Variants in CALN1 observed in about 807,000 individuals in gnomAD.
CALN1 encodes the protein calcium-binding protein 8.
Under a neutral mutation model 30.6 loss-of-function variants are expected in CALN1, and 17 were observed. The ratio of observed to expected loss-of-function variants is 0.56; its 90% CI spans 0.38 to 0.83. CALN1 has a LOEUF of 0.83. Among genes scored for constraint, CALN1 ranks in the 40% least tolerant of loss-of-function variants. The probability of loss-of-function intolerance (pLI) is 0.00; values close to 1 mark genes in which losing one functional copy is unlikely to be tolerated. For synonymous variants in CALN1, 156 were observed against 131.4 expected (o/e 1.19, Z -1.28); for missense variants, 291 against 354.9 (o/e 0.82, Z 1.45).
intron 1 of CALN1, among the ~76,000 whole-genome samples, chr7:72,442,696 T>A (rs1194060748): frequency 6.6e-6 from 1 of 152,222 alleles, no homozygotes; most frequent in Non-Finnish European, 1.5e-5. Flanking sequence ...TTATGTAGGG[T>A]TGCACTTATT....
intron 3 of CALN1, among the ~76,000 whole-genome samples, chr7:72,191,351 CCA>C (rs2129546819): frequency 6.6e-6 from 1 of 152,098 alleles, no homozygotes; most frequent in African/African-American, 2.4e-5. Flanking sequence ...ACTGTAATTT[CCA>C]CACTTTGGGA....
At chr7:71,881,785 G>C (rs1792583023) in intron 5 of CALN1, among the ~76,000 whole-genome samples, 1 of 152,204 alleles carries the variant, frequency 6.6e-6, no homozygotes, top group Non-Finnish European at 1.5e-5. Flanking sequence ...TAGCTTTGGA[G>C]GCCATAGCTG....
intron 3 of CALN1, among the ~76,000 whole-genome samples, chr7:72,144,067 C>A (rs917114953): frequency 6.6e-6 from 1 of 152,190 alleles, no homozygotes; most frequent in Non-Finnish European, 1.5e-5. Context: ...ACTGCATCAA[C>A]TAACGAGCAA....
At chr7:72,182,819 A>G (rs1320871622) in intron 3 of CALN1, among the ~76,000 whole-genome samples, 1 of 152,068 alleles carries the variant, frequency 6.6e-6, no homozygotes, top group East Asian at 1.9e-4. Flanking sequence ...TAGGAACACT[A>G]GCTTCTGTAA....
intron 2 of CALN1, among the ~76,000 whole-genome samples, chr7:72,370,925 G>A (rs988005319): frequency 5.9e-5 from 9 of 151,858 alleles, no homozygotes; most frequent in Admixed American, 5.9e-4. Flanking sequence ...GCATGTGCCT[G>A]TAATTCCAGC....
chr7:72,190,270 C>G (rs1790509888), intron 3 of CALN1, among the ~76,000 whole-genome samples: 1 of 152,164 alleles, frequency 6.6e-6, no homozygotes, highest in African/African-American at 2.4e-5. Flanking sequence ...CGCCTGAACC[C>G]AGGAGGGAGA....
intron 4 of CALN1, among the ~76,000 whole-genome samples, chr7:72,032,623 C>T (rs1489045543): frequency 6.6e-6 from 1 of 152,196 alleles, no homozygotes; most frequent in East Asian, 1.9e-4. Flanking sequence ...GTTTTCCTAT[C>T]TGGGTGTTTA....
intron 3 of CALN1, among the ~76,000 whole-genome samples, chr7:72,204,194 A>G (rs1791661449): frequency 6.7e-6 from 1 of 148,884 alleles, no homozygotes; most frequent in Admixed American, 6.7e-5. Flanking sequence ...ACGGGGTTTC[A>G]CCGTGTTAGC....
chr7:72,041,038 A>G (rs1802092441), intron 4 of CALN1, among the ~76,000 whole-genome samples: 1 of 152,198 alleles, frequency 6.6e-6, no homozygotes, highest in African/African-American at 2.4e-5. Flanking sequence ...ATGTACTTCT[A>G]GGAGGAAAAC....
chr7:72,323,867 A>C (rs931932612), intron 2 of CALN1, among the ~76,000 whole-genome samples: 1 of 151,762 alleles, frequency 6.6e-6, no homozygotes, highest in Non-Finnish European at 1.5e-5. Context: ...AACATAGCGA[A>C]ACCCCATCTG....
chr7:72,346,474 CATAT>C (rs748864146), intron 2 of CALN1, among the ~76,000 whole-genome samples: 18 of 152,116 alleles, frequency 1.2e-4, no homozygotes, highest in Non-Finnish European at 1.9e-4. Context: ...CTGATTCTCC[CATAT>C]ATAATTTTTA....
At chr7:72,375,568 G>GT in intron 2 of CALN1, among the ~76,000 whole-genome samples, 1 of 136,488 alleles carries the variant, frequency 7.3e-6, no homozygotes, top group Non-Finnish European at 1.5e-5. Flanking sequence ...CTGCCTCCAG[G>GT]AAAAAAAAAA....
intron 5 of CALN1, among the ~76,000 whole-genome samples, chr7:72,016,921 G>T (rs1205065955): frequency 7.5e-6 from 1 of 133,960 alleles, no homozygotes; most frequent in Non-Finnish European, 1.7e-5. Flanking sequence ...GGGAGGCCAA[G>T]GTGAGTGGAT....
At chr7:71,831,678 G>A (rs1789283888) in intron 5 of CALN1, among the ~76,000 whole-genome samples, 1 of 151,074 alleles carries the variant, frequency 6.6e-6, no homozygotes, top group African/African-American at 2.4e-5. Flanking sequence ...TTGAGCTCAG[G>A]AGTTCGAGAC....
chr7:72,137,139 A>G (rs1470992675), intron 3 of CALN1, among the ~76,000 whole-genome samples: 1 of 152,150 alleles, frequency 6.6e-6, no homozygotes, highest in Admixed American at 6.5e-5. Flanking sequence ...GAATGTTTCT[A>G]TGTGAAGGAA....
chr7:72,181,750 C>T (rs1164444038), intron 3 of CALN1, among the ~76,000 whole-genome samples: 2 of 152,066 alleles, frequency 1.3e-5, no homozygotes, highest in African/African-American at 4.8e-5. Flanking sequence ...GCTGGGATTA[C>T]GGGCATGAGC....
At chr7:72,388,989 C>A (rs1805408973) in intron 2 of CALN1, among the ~76,000 whole-genome samples, 1 of 152,178 alleles carries the variant, frequency 6.6e-6, no homozygotes, top group Non-Finnish European at 1.5e-5. Context: ...CCTGGACCAG[C>A]AGGCCACGTC....
chr7:72,213,753 G>T (rs1324293128), intron 3 of CALN1, among the ~76,000 whole-genome samples: 2 of 152,128 alleles, frequency 1.3e-5, no homozygotes, highest in Non-Finnish European at 2.9e-5. Flanking sequence ...ACTCAGCAAT[G>T]CACTCCACTC....
rs112206417 is a variant in CALN1 at position 72,193,142 on chromosome 7, T to G, written c.244+85544A>C. On this transcript the variant is annotated intron_variant, in intron 3 of 6. Transcript: ENST00000395275. ...AGCAGAGGTTGCAGTGAATCAAGATTGTGCCACTACACTCTAGCCTGGGTG... is the reference window on the plus strand; with the variant it reads ...AGCAGAGGTTGCAGTGAATCAAGATGGTGCCACTACACTCTAGCCTGGGTG... 9.5e-3 allele frequency among the ~76,000 whole-genome samples: 1,433 copies of G among 151,258 alleles called. 15 individuals are homozygous for G. The highest frequency in any genetic ancestry group is 0.031 in the African/African-American group (1,270 of 41,174).
Sources: gnomAD v4.1 joint callset for allele counts (sites outside exome capture counted in the v4.1 genomes callset) on GRCh38, gnomAD v4.1.1 for gene constraint, MANE v1.5 for transcripts, NCBI Gene and HGNC (gene_info 2026-07-23, HGNC 2026-07-21) for gene names.